The following IL16 variants were observed in gnomAD, a reference collection of about 807,000 sequenced individuals.
IL16 encodes the protein pro-interleukin-16.
A neutral mutation model predicts 110.1 loss-of-function variants in IL16; 67 were observed. The ratio of observed to expected loss-of-function variants is 0.61; its 90% CI spans 0.50 to 0.75. IL16 has a LOEUF of 0.75. Ranked by LOEUF, IL16 falls within the 30% of genes least tolerant of loss-of-function variation. IL16 has a pLI of 0.00. For missense variants in IL16, 1,545 were observed against 1,655.0 expected, an observed-to-expected ratio of 0.93 and a Z score of 1.15; for synonymous variants, 689 against 662.9, an observed-to-expected ratio of 1.04 and a Z score of -0.61.
intron 2 of IL16, among the ~76,000 whole-genome samples, chr15:81,257,124 GT>G (rs985197536): frequency 2.0e-5 from 3 of 152,110 alleles, no homozygotes; most frequent in Admixed American, 6.5e-5. Flanking sequence ...GAATTCCCTG[GT>G]TAGCCTGGTT....
intron 1 of IL16, among the ~76,000 whole-genome samples, chr15:81,210,347 T>C (rs1465310512): frequency 1.3e-5 from 2 of 152,238 alleles, no homozygotes; most frequent in Non-Finnish European, 2.9e-5. Context: ...CTATGTGGGT[T>C]CTTTTTTGAT....
Position 81,265,736 on chromosome 15 carries a change from T to TACTCTCTCTGCAGTAACAGGAAGTC in IL16, c.500_524dup (p.Gln178LeufsTer3). 1 of 1,613,980 alleles carries TACTCTCTCTGCAGTAACAGGAAGTC rather than the reference T, an allele frequency of 6.2e-7. No homozygotes were observed. The highest frequency in any genetic ancestry group is 8.5e-7 in the Non-Finnish European group (1 of 1,179,934). ...TGCAGCGCCCACGGACAGGCAGCCT[T>TACTCTCTCTGCAGTAACAGGAAGTC]ACTCTCTCTGCAGTAACAGGAAGTC... is the stretch of plus-strand genomic sequence containing the variant. On this transcript the variant is annotated frameshift_variant, in exon 4 of 19. Coordinates refer to ENST00000683961, the MANE Select transcript of IL16 (RefSeq NM_172217.5). LOFTEE classifies it high-confidence loss of function.
At chr15:81,184,970 T>C (rs1384695810) in intron 1 of IL16, among the ~76,000 whole-genome samples, 3 of 152,188 alleles carry the variant, frequency 2.0e-5, no homozygotes, top group Admixed American at 6.5e-5. Context: ...ATAGGTGCCT[T>C]GACTCCTTCT....
Position 81,310,324 on chromosome 15 carries a change from T to C in IL16, c.*1526T>C, listed in dbSNP as rs1252774394. ...CCCAGCAGTGGACTCAAAACCCATC[T>C]GGGCTCCTAACCTTCCTGTAAACCC... is the stretch of plus-strand genomic sequence containing the variant. On this transcript the variant is annotated 3_prime_UTR_variant, in exon 19 of 19. Transcript: ENST00000683961. 1.3e-5 allele frequency: 2 copies of C among 152,262 alleles called. No homozygotes were observed. Among genetic ancestry groups the C allele is most frequent in the Non-Finnish European group, 2.9e-5 (2 of 68,056 alleles). 9.4% of individuals were successfully genotyped at this position (152,262 alleles called of 1,614,324 possible).
intron 5 of IL16, among the ~76,000 whole-genome samples, 168 bp from the exon 6 acceptor site, chr15:81,272,907 TTGTTGTTGTTGTTGG>T (rs1301375930): frequency 6.9e-6 from 1 of 143,892 alleles, no homozygotes; most frequent in Admixed American, 6.7e-5. Context: ...CTTCCTATTT[TTGTTGTTGTTGTTGG>T]TGTTGTTGTT....
intron 10 of IL16, among the ~76,000 whole-genome samples, chr15:81,288,710 A>C (rs1260531915): frequency 1.3e-5 from 2 of 152,168 alleles, no homozygotes; most frequent in African/African-American, 4.8e-5. Context: ...ATCATATAAA[A>C]TGGGTCCTTT....
upstream of IL16, among the ~76,000 whole-genome samples, chr15:81,194,845 G>T (rs1276712950): frequency 1.3e-5 from 2 of 152,050 alleles, no homozygotes; most frequent in East Asian, 3.9e-4. Context: ...AATTTTCATC[G>T]TAGCAAACTA....
chr15:81,255,237 T>C (rs1897904679), intron 2 of IL16, among the ~76,000 whole-genome samples: 1 of 152,212 alleles, frequency 6.6e-6, no homozygotes, highest in South Asian at 2.1e-4. Context: ...ATGTGTTTCA[T>C]AGGAAATTGC....
chr15:81,313,361 G>A lies in IL16; in HGVS notation c.*4563G>A. The A allele has an allele frequency of 1.9e-6, 3 of 1,582,624 alleles. No homozygotes were observed. The highest frequency in any genetic ancestry group is 2.7e-5 in the African/African-American group (2 of 73,832). ...CGTTCTGTGGGAGGTAACCGCTGAGGTCGGTATGGAAGAATGTGACCAGGT... is the reference window on the plus strand; with the variant it reads ...CGTTCTGTGGGAGGTAACCGCTGAGATCGGTATGGAAGAATGTGACCAGGT... On this transcript the variant is annotated 3_prime_UTR_variant, in exon 19 of 19. Coordinates refer to ENST00000683961, the MANE Select transcript of IL16 (RefSeq NM_172217.5).
intron 2 of IL16, among the ~76,000 whole-genome samples, chr15:81,228,104 C>A (rs1041676379): frequency 6.6e-6 from 1 of 152,062 alleles, no homozygotes; most frequent in Non-Finnish European, 1.5e-5. Context: ...CATGCGTCTG[C>A]AAAGACAGGC....
intron 1 of IL16, among the ~76,000 whole-genome samples, chr15:81,202,008 A>G (rs1248721369): frequency 6.6e-6 from 1 of 152,238 alleles, no homozygotes; most frequent in East Asian, 1.9e-4. Context: ...TAAGTGAACT[A>G]TTAGTTCCCC....
intron 9 of IL16, among the ~76,000 whole-genome samples, chr15:81,284,522 G>C (rs143128441): frequency 1.2e-3 from 184 of 152,340 alleles, no homozygotes; most frequent in African/African-American, 4.0e-3. Flanking sequence ...CAGTGGAGTA[G>C]GGATTGTTCT....
Position 81,197,087 on chromosome 15 carries a change from T to C in IL16, c.-167T>C, listed in dbSNP as rs1413106761. ...GGTGCTGCAATCCCTGCTGGGCAGA[T>C]GGAGAGAGGAGCAAGGGAGATGGCA... is the stretch of plus-strand genomic sequence containing the variant. On this transcript the variant is annotated 5_prime_UTR_variant, in exon 1 of 19. It removes an upstream start codon present in the reference 5' UTR. Transcript: ENST00000683961. 3 of 1,288,638 alleles carry C rather than the reference T, an allele frequency of 2.3e-6. No individual in the cohort carries two copies. In the South Asian group the frequency reaches 3.7e-5, roughly 16 times the overall value. 79.8% of individuals were successfully genotyped at this position (1,288,638 alleles called of 1,614,324 possible). A position where few individuals can be genotyped will look rare whatever the true frequency, so the allele number is the denominator to read the frequency against.
chr15:81,243,193 T>TTTTA (rs1897410770), intron 2 of IL16, among the ~76,000 whole-genome samples: 1 of 103,646 alleles, frequency 9.6e-6, no homozygotes, highest in Non-Finnish European at 1.9e-5. Flanking sequence ...TTTTTTTTTT[T>TTTTA]GAGGCAAGGT....
At chr15:81,200,240 T>C (rs1895761755) in intron 1 of IL16, among the ~76,000 whole-genome samples, 1 of 148,462 alleles carries the variant, frequency 6.7e-6, no homozygotes, top group Non-Finnish European at 1.5e-5. Context: ...GTTATATATA[T>C]TTATTTATTT....
chr15:81,278,401 G>C (rs576291675), intron 6 of IL16, among the ~76,000 whole-genome samples: 1 of 152,322 alleles, frequency 6.6e-6, no homozygotes, highest in South Asian at 2.1e-4. Flanking sequence ...GAAAGTGGAA[G>C]TATATTTTAT....
chr15:81,218,861 T>C (rs1896522011), intron 1 of IL16, among the ~76,000 whole-genome samples: 1 of 152,214 alleles, frequency 6.6e-6, no homozygotes, highest in African/African-American at 2.4e-5. Flanking sequence ...TGTATCATAA[T>C]ATATTTAACA....
chr15:81,272,922 G>GTGTTGT (rs67106640), intron 5 of IL16, among the ~76,000 whole-genome samples, 168 bp from the exon 6 acceptor site: 8 of 150,090 alleles, frequency 5.3e-5, no homozygotes, highest in African/African-American at 1.5e-4. Flanking sequence ...GTTGTTGTTG[G>GTGTTGT]TGTTGTTGTT....
At chr15:81,197,462 C>T (rs998523163) in intron 1 of IL16, among the ~76,000 whole-genome samples, 7 of 152,102 alleles carry the variant, frequency 4.6e-5, no homozygotes, top group Admixed American at 4.6e-4. Context: ...TTTTCAGCCT[C>T]GTCTCATCCT....
Sources: gnomAD v4.1 joint callset for allele counts (sites outside exome capture counted in the v4.1 genomes callset) on GRCh38, gnomAD v4.1.1 for gene constraint, MANE v1.5 for transcripts, NCBI Gene and HGNC (gene_info 2026-07-23, HGNC 2026-07-21) for gene names.